Variants in BRCC3 observed in about 807,000 individuals in gnomAD.
The protein encoded by BRCC3 is lys-63-specific deubiquitinase BRCC36.
A neutral mutation model predicts 28.0 loss-of-function variants in BRCC3; 15 were observed. The ratio of observed to expected loss-of-function variants is 0.54; its 90% CI spans 0.36 to 0.82. BRCC3 has a LOEUF of 0.82. Among genes scored for constraint, BRCC3 ranks in the 40% least tolerant of loss-of-function variants. The probability of loss-of-function intolerance (pLI) is 0.01; values close to 1 mark genes in which losing one functional copy is unlikely to be tolerated. For synonymous variants in BRCC3, 66 were observed against 80.3 expected (o/e 0.82, Z 0.95); for missense variants, 109 against 225.9 (o/e 0.48, Z 3.32).
intron 5 of BRCC3, among the ~76,000 whole-genome samples, chrX:155,083,287 T>G (rs2074097153): frequency 8.9e-6 from 1 of 112,482 alleles, no homozygotes; most frequent in Non-Finnish European, 1.9e-5. Context: ...TCCTACTTTT[T>G]GCAAAGGCAA....
Position 155,078,113 on chromosome X carries a change from C to T in BRCC3, c.316-503C>T, listed in dbSNP as rs782768652. Among the ~76,000 whole-genome samples, 7 of 112,683 alleles carry T rather than the reference C, an allele frequency of 6.2e-5. No individual in the cohort carries two copies. In the South Asian group the frequency reaches 2.2e-3, roughly 35 times the overall value. ...TCTTCACTGCTCTGAAACATTATTC[C>T]CCTGCCTCAGTCTGCAGCTGAAGAA... On this transcript the variant is annotated intron_variant, in intron 4 of 10. Transcript: ENST00000330045.
intron 5 of BRCC3, among the ~76,000 whole-genome samples, chrX:155,086,422 G>A (rs1557294884): frequency 1.8e-5 from 2 of 111,572 alleles, no homozygotes; most frequent in African/African-American, 3.3e-5. Flanking sequence ...GCCCTCTCAG[G>A]TAACTGCAAC....
chrX:155,072,209 C>A (rs782806237), intron 1 of BRCC3, 118 bp from the exon 2 acceptor site: 7 of 574,563 alleles, frequency 1.2e-5, no homozygotes, highest in African/African-American at 1.1e-4. Context: ...TAAAGTAATT[C>A]TCCAGTCTTT....
At chrX:155,076,042 T>C (rs1557293578) in intron 3 of BRCC3, among the ~76,000 whole-genome samples, 2 of 112,600 alleles carry the variant, frequency 1.8e-5, no homozygotes, top group South Asian at 3.6e-4. Flanking sequence ...ATTCTGCTTA[T>C]GTAAAAGATT....
chrX:155,105,721 C>A (rs782006730), intron 7 of BRCC3, among the ~76,000 whole-genome samples: 63 of 111,821 alleles, frequency 5.6e-4, no homozygotes, highest in Middle Eastern at 9.3e-3. Flanking sequence ...TGTTTTGAGA[C>A]GGAGTCTCGC....
chrX:155,073,868 C>G (rs1557292994), intron 3 of BRCC3, among the ~76,000 whole-genome samples: 1 of 111,904 alleles, frequency 8.9e-6, no homozygotes, highest in African/African-American at 3.3e-5. Context: ...CACTCCTACA[C>G]CATCTTTTGT....
rs1434622269 is a variant in BRCC3 at position 155,121,513 on chromosome X, G to A, written c.*309G>A. On this transcript the variant is annotated 3_prime_UTR_variant, in exon 11 of 11. Coordinates refer to ENST00000330045, the MANE Select transcript of BRCC3 (RefSeq NM_001018055.3). ...GCTAGAGCAATTAGACACCCATGGCGAGGAGAAAAAAGAACCTCTACTTAA... is the reference window on the plus strand; with the variant it reads ...GCTAGAGCAATTAGACACCCATGGCAAGGAGAAAAAAGAACCTCTACTTAA... 3.6e-5 allele frequency: 4 copies of A among 111,922 alleles called. No homozygotes were observed. The highest frequency in any genetic ancestry group is 7.5e-5 in the Non-Finnish European group (4 of 53,174). 9.2% of individuals were successfully genotyped at this position (111,922 alleles called of 1,213,427 possible).
chrX:155,084,123 T>A (rs1035421078), intron 5 of BRCC3, among the ~76,000 whole-genome samples: 2 of 112,504 alleles, frequency 1.8e-5, no homozygotes, highest in African/African-American at 6.5e-5. Flanking sequence ...ACACTTAACG[T>A]ACCTGAATTT....
At chrX:155,110,891 CA>C (rs1220473972) in intron 7 of BRCC3, among the ~76,000 whole-genome samples, 1 of 110,543 alleles carries the variant, frequency 9.0e-6, no homozygotes, top group African/African-American at 3.3e-5. Flanking sequence ...AGAAGGGCCC[CA>C]AAACTCAAAA....
chrX:155,096,201 A>C (rs2074208619), intron 7 of BRCC3, among the ~76,000 whole-genome samples: 1 of 112,472 alleles, frequency 8.9e-6, no homozygotes, highest in Non-Finnish European at 1.9e-5. Flanking sequence ...GGAAGTATCC[A>C]GAATAGCTAA....
intron 7 of BRCC3, among the ~76,000 whole-genome samples, chrX:155,096,129 A>C (rs1024627245): frequency 2.0e-4 from 23 of 112,505 alleles, no homozygotes; most frequent in African/African-American, 5.8e-4. Context: ...ATCTGAAAGA[A>C]TTTGAAAACA....
intron 10 of BRCC3, among the ~76,000 whole-genome samples, chrX:155,120,762 A>G (rs933591359): frequency 2.7e-5 from 3 of 111,945 alleles, no homozygotes; most frequent in African/African-American, 9.7e-5. Flanking sequence ...CCTATTGAGC[A>G]GATCCTATCT....
At chrX:155,105,432 G>A (rs868931697) in intron 7 of BRCC3, among the ~76,000 whole-genome samples, 23 of 111,564 alleles carry the variant, frequency 2.1e-4, no homozygotes, top group African/African-American at 6.5e-4. Flanking sequence ...GCAGTGAGCC[G>A]AGATTGTGCC....
chrX:155,080,513 C>CT (rs2074077760), intron 5 of BRCC3, among the ~76,000 whole-genome samples: 1 of 110,538 alleles, frequency 9.0e-6, no homozygotes, highest in South Asian at 3.7e-4. Flanking sequence ...AAAATCAACT[C>CT]TAAATTATGA....
At chrX:155,088,026 A>C (rs1184733685) in intron 5 of BRCC3, among the ~76,000 whole-genome samples, 1 of 112,576 alleles carries the variant, frequency 8.9e-6, no homozygotes, top group African/African-American at 3.2e-5. Flanking sequence ...TTTTACTTTT[A>C]GCAATTTACT....
intron 7 of BRCC3, among the ~76,000 whole-genome samples, chrX:155,108,272 T>C (rs1306456666): frequency 1.8e-5 from 2 of 112,510 alleles, no homozygotes; most frequent in Non-Finnish European, 3.8e-5. Flanking sequence ...AGTTCTTTTT[T>C]ATTGCTGTGT....
At chrX:155,091,318 C>A (rs1219548150) in intron 7 of BRCC3, among the ~76,000 whole-genome samples, 1 of 109,681 alleles carries the variant, frequency 9.1e-6, no homozygotes, top group Non-Finnish European at 1.9e-5. Context: ...GTCACCCAGG[C>A]TGGAGTGCAG....
chrX:155,118,313 A>C (rs1414786582), intron 9 of BRCC3, among the ~76,000 whole-genome samples: 7 of 60,525 alleles, frequency 1.2e-4, no homozygotes, highest in Admixed American at 1.1e-3. Flanking sequence ...AGGAAGCATC[A>C]CACAAAAGGC....
rs113544934 is a variant in BRCC3 at position 155,084,462 on chromosome X, G to A, written c.404-4801G>A. Among the ~76,000 whole-genome samples, 19 of 110,943 alleles carry A rather than the reference G, an allele frequency of 1.7e-4. 1 individual carries two copies. In the South Asian group the frequency reaches 4.6e-3, roughly 27 times the overall value. ...ACTGCAAGCTCCGCCTCCCAGGTTC[G>A]CGCCATTCTCCTGCCTCAGCCTCCT... On this transcript the variant is annotated intron_variant, in intron 5 of 10. Coordinates refer to ENST00000330045, the MANE Select transcript of BRCC3 (RefSeq NM_001018055.3).
Sources: allele counts gnomAD v4.1 joint callset (sites outside exome capture counted in the v4.1 genomes callset), GRCh38; gene constraint gnomAD v4.1.1; transcripts MANE v1.5; gene names NCBI Gene and HGNC (gene_info 2026-07-23, HGNC 2026-07-21).